Variants in KCNT2 observed in about 807,000 individuals in gnomAD.
KCNT2 encodes potassium sodium-activated channel subfamily T member 2.
In KCNT2, 67 loss-of-function variants were observed where a neutral mutation model predicts 153.8. The observed-to-expected ratio is 0.44, with a 90% CI of 0.36 to 0.53. The LOEUF (loss-of-function observed/expected upper bound fraction) is 0.53. KCNT2 is among the 20% of genes least tolerant of loss of function. The pLI is 0.00. For synonymous variants in KCNT2, 500 were observed against 458.8 expected, an observed-to-expected ratio of 1.09 and a Z score of -1.15; for missense variants, 975 against 1,354.8, an observed-to-expected ratio of 0.72 and a Z score of 4.40.
chr1:196,390,662 C>T lies in KCNT2; in HGVS notation c.1294+7901G>A, dbSNP rs116618680. On this transcript the variant is annotated intron_variant, in intron 13 of 27. Transcript: ENST00000294725. ...TCTAGTTAAAATTTTATGCCTTTACCGAATACTTGCATTATTCTCACACTA... is the reference window on the plus strand; with the variant it reads ...TCTAGTTAAAATTTTATGCCTTTACTGAATACTTGCATTATTCTCACACTA... Among the ~76,000 whole-genome samples the T allele has an allele frequency of 2.8e-3, 419 of 150,286 alleles. 1 individual carries two copies. Among genetic ancestry groups the T allele is most frequent in the African/African-American group, 9.7e-3 (400 of 41,226 alleles).
intron 12 of KCNT2, 150 bp from the exon 13 acceptor site, chr1:196,398,821 T>C (rs1671170567): frequency 2.0e-6 from 1 of 489,514 alleles, no homozygotes; most frequent in East Asian, 3.2e-5. Context: ...ATACCTATTA[T>C]TTCCATAGAA....
intron 14 of KCNT2, among the ~76,000 whole-genome samples, chr1:196,365,732 C>A (rs1445847023): frequency 1.3e-5 from 2 of 152,158 alleles, no homozygotes; most frequent in Non-Finnish European, 2.9e-5. Context: ...AGGCATGGGA[C>A]TTTTTCTTCT....
chr1:196,454,772 G>A (rs1676512331), intron 8 of KCNT2, among the ~76,000 whole-genome samples: 1 of 151,842 alleles, frequency 6.6e-6, no homozygotes, highest in East Asian at 1.9e-4. Flanking sequence ...ACCACAAATA[G>A]CATTTAAATA....
At chr1:196,489,977 T>C in intron 2 of KCNT2, 40 bp from the exon 3 acceptor site, 1 of 941,202 alleles carries the variant, frequency 1.1e-6, no homozygotes, top group Non-Finnish European at 1.6e-6. Flanking sequence ...CATCTGAACT[T>C]AGTTCACAAA....
At chr1:196,388,059 T>C (rs1406057436) in intron 13 of KCNT2, among the ~76,000 whole-genome samples, 1 of 151,700 alleles carries the variant, frequency 6.6e-6, no homozygotes, top group Admixed American at 6.6e-5. Flanking sequence ...TTTTTACATT[T>C]AAGAGTATAA....
intron 12 of KCNT2, among the ~76,000 whole-genome samples, chr1:196,401,714 C>T (rs1046198919): frequency 6.6e-6 from 1 of 151,420 alleles, no homozygotes; most frequent in African/African-American, 2.4e-5. Context: ...AAAGGTCTTA[C>T]ATAATATAAT....
chr1:196,313,190 G>A (rs1025401339), intron 21 of KCNT2, among the ~76,000 whole-genome samples: 18 of 151,660 alleles, frequency 1.2e-4, no homozygotes, highest in South Asian at 2.1e-4. Context: ...TAGTAGGATC[G>A]GTGGATGACA....
At chr1:196,367,994 A>G (rs1366109923) in intron 14 of KCNT2, among the ~76,000 whole-genome samples, 1 of 152,142 alleles carries the variant, frequency 6.6e-6, no homozygotes, top group Non-Finnish European at 1.5e-5. Context: ...TAAAGACTAT[A>G]GGGTAAAGAT....
intron 1 of KCNT2, among the ~76,000 whole-genome samples, chr1:196,513,474 T>C (rs1246437995): frequency 1.3e-5 from 2 of 152,232 alleles, no homozygotes; most frequent in Non-Finnish European, 2.9e-5. Context: ...GGGGATAATA[T>C]GAATAATCTA....
intron 12 of KCNT2, among the ~76,000 whole-genome samples, chr1:196,408,045 G>C (rs1671978932): frequency 6.6e-6 from 1 of 151,316 alleles, no homozygotes; most frequent in Non-Finnish European, 1.5e-5. Flanking sequence ...TTTGGGATGT[G>C]AATCTTCTCT....
intron 13 of KCNT2, among the ~76,000 whole-genome samples, chr1:196,378,367 G>A (rs1157102680): frequency 6.6e-6 from 1 of 152,084 alleles, no homozygotes; most frequent in Non-Finnish European, 1.5e-5. Context: ...ATTATTAGGA[G>A]CCACATCTAG....
chr1:196,599,021 C>G (rs1343093644), intron 1 of KCNT2, among the ~76,000 whole-genome samples: 1 of 152,220 alleles, frequency 6.6e-6, no homozygotes, highest in Non-Finnish European at 1.5e-5. Flanking sequence ...AAAATACTGA[C>G]AGCTTCCATC....
At chr1:196,523,276 A>C (rs1653726425) in intron 1 of KCNT2, among the ~76,000 whole-genome samples, 1 of 152,190 alleles carries the variant, frequency 6.6e-6, no homozygotes, top group Non-Finnish European at 1.5e-5. Context: ...CATCTGAAGG[A>C]ACAAACTCAG....
At chr1:196,351,780 A>G (rs149541617) in intron 14 of KCNT2, among the ~76,000 whole-genome samples, 4,229 of 152,140 alleles carry the variant, frequency 0.028, 192 homozygotes, top group African/African-American at 0.095. Context: ...CCTGTCTTGT[A>G]CCAGTTTTCA....
intron 9 of KCNT2, among the ~76,000 whole-genome samples, chr1:196,428,557 C>T (rs1419043957): frequency 6.6e-6 from 1 of 152,032 alleles, no homozygotes; most frequent in Admixed American, 6.6e-5. Flanking sequence ...TCCAGTAGAG[C>T]TGAGTGAAAG....
In KCNT2 at chr1:196,245,533, G is replaced by A. The variant is rs180913399; in HGVS notation, c.3212-9463C>T. Among the ~76,000 whole-genome samples the A allele has an allele frequency of 1.2e-4, 19 of 152,180 alleles. 1 individual carries two copies. The South Asian group carries it at 3.3e-3, about 27-fold the overall frequency. On this transcript the variant is annotated intron_variant, in intron 26 of 27. Transcript: ENST00000294725. ...TCACCAAACAAAATAAGGAATCAGC[G>A]ACCAATTATGGAAAGACAGATATTT... is the stretch of plus-strand genomic sequence containing the variant.
chr1:196,354,303 A>C lies in KCNT2; in HGVS notation c.1404-12075T>G, dbSNP rs549649951. On this transcript the variant is annotated intron_variant, in intron 14 of 27. Coordinates refer to ENST00000294725, the MANE Select transcript of KCNT2 (RefSeq NM_198503.5). Reference sequence around the variant, plus strand: ...ATCCTTGGATTTAGTTTGCTAGTACATTTTGTTCTCTTTGATCCTAAATAA... The same window carrying C: ...ATCCTTGGATTTAGTTTGCTAGTACCTTTTGTTCTCTTTGATCCTAAATAA... Among the ~76,000 whole-genome samples, 4 of 151,848 alleles carry C rather than the reference A, an allele frequency of 2.6e-5. No homozygotes were observed. The South Asian group carries it at 8.3e-4, about 31-fold the overall frequency.
chr1:196,487,610 A>G (rs892890255), intron 3 of KCNT2, among the ~76,000 whole-genome samples: 2 of 152,034 alleles, frequency 1.3e-5, no homozygotes, highest in African/African-American at 4.8e-5. Context: ...AATAATCAAT[A>G]TACAAAAAAG....
At chr1:196,458,867 G>A (rs903869589) in intron 8 of KCNT2, among the ~76,000 whole-genome samples, 1 of 151,832 alleles carries the variant, frequency 6.6e-6, no homozygotes, top group Admixed American at 6.6e-5. Flanking sequence ...ACAGTTACTG[G>A]AAAAACTTAA....
Sources: allele counts gnomAD v4.1 joint callset (sites outside exome capture counted in the v4.1 genomes callset), GRCh38; gene constraint gnomAD v4.1.1; transcripts MANE v1.5; gene names NCBI Gene and HGNC (gene_info 2026-07-23, HGNC 2026-07-21).